Variants in CHRM5 observed in about 807,000 individuals in gnomAD.
CHRM5 encodes the protein cholinergic receptor muscarinic 5.
Under a neutral mutation model 39.0 loss-of-function variants are expected in CHRM5, and 18 were observed. The ratio of observed to expected loss-of-function variants is 0.46; its 90% CI spans 0.32 to 0.68. The LOEUF is 0.68. Ranked by LOEUF, CHRM5 falls within the 30% of genes least tolerant of loss-of-function variation. The pLI is 0.04. For missense variants in CHRM5, 515 were observed against 651.1 expected (o/e 0.79, Z 2.28); for synonymous variants, 241 against 246.3 (o/e 0.98, Z 0.20).
chr15:33,994,979 T>G (rs1896875616), intron 1 of CHRM5, among the ~76,000 whole-genome samples: 1 of 152,170 alleles, frequency 6.6e-6, no homozygotes, highest in African/African-American at 2.4e-5. Flanking sequence ...ATAATAATAC[T>G]GGCCAGGCAC....
At chr15:34,002,248 C>T (rs1024649440) in intron 1 of CHRM5, among the ~76,000 whole-genome samples, 3 of 152,186 alleles carry the variant, frequency 2.0e-5, no homozygotes, top group Non-Finnish European at 4.4e-5. Context: ...TATCTGCCAC[C>T]GCAGTCAAGA....
intron 1 of CHRM5, among the ~76,000 whole-genome samples, chr15:34,015,181 T>C (rs868197510): frequency 6.6e-5 from 10 of 152,260 alleles, no homozygotes; most frequent in Admixed American, 3.9e-4. Flanking sequence ...AGGAGCACTT[T>C]TTAAAAAATT....
intron 2 of CHRM5, among the ~76,000 whole-genome samples, chr15:34,053,325 T>A (rs868464786): frequency 0.012 from 1,457 of 122,206 alleles, 47 homozygotes; most frequent in African/African-American, 0.042. Context: ...AAAAAATATA[T>A]ATATATATAT....
chr15:33,978,619 C>T (rs561906), intron 1 of CHRM5, among the ~76,000 whole-genome samples: 123,581 of 152,012 alleles, frequency 0.81, 55,129 homozygotes, highest in Non-Finnish European at 0.98. Context: ...GCCAAGATTA[C>T]GCCACTGCAT....
At chr15:34,046,343 G>GAA (rs56286203) in intron 1 of CHRM5, among the ~76,000 whole-genome samples, 197 bp from the exon 2 acceptor site, 11,751 of 141,218 alleles carry the variant, frequency 0.083, 1,104 homozygotes, top group African/African-American at 0.23. Context: ...AGTGAGGCAG[G>GAA]AAAAAAAAAA....
chr15:33,983,656 C>A (rs1177316343), intron 1 of CHRM5, among the ~76,000 whole-genome samples: 1 of 152,104 alleles, frequency 6.6e-6, no homozygotes, highest in Non-Finnish European at 1.5e-5. Flanking sequence ...ATTCCTCCTT[C>A]CATGGATGAA....
intron 1 of CHRM5, among the ~76,000 whole-genome samples, chr15:34,028,667 A>C (rs1030412612): frequency 5.3e-5 from 8 of 152,222 alleles, no homozygotes; most frequent in African/African-American, 1.9e-4. Context: ...TGTTCATCTA[A>C]TGTCAGTCCT....
intron 1 of CHRM5, among the ~76,000 whole-genome samples, chr15:33,974,704 G>A (rs1440424147): frequency 3.3e-5 from 5 of 152,220 alleles, no homozygotes; most frequent in Non-Finnish European, 1.5e-5. Flanking sequence ...CGGGCACAGT[G>A]GCTCACGCCT....
At chr15:33,975,019 G>A (rs1053175838) in intron 1 of CHRM5, among the ~76,000 whole-genome samples, 1 of 152,092 alleles carries the variant, frequency 6.6e-6, no homozygotes, top group Non-Finnish European at 1.5e-5. Context: ...ATCCTATCAT[G>A]TTTTTAGCCA....
chr15:34,018,610 T>C (rs1898061616), intron 1 of CHRM5: 1 of 152,240 alleles, frequency 6.6e-6, no homozygotes, highest in Middle Eastern at 3.4e-3. Context: ...ACCCAAAGAG[T>C]GTGCAGCAGC....
intron 1 of CHRM5, among the ~76,000 whole-genome samples, chr15:34,008,901 C>A (rs892081128): frequency 6.7e-6 from 1 of 150,222 alleles, no homozygotes; most frequent in Non-Finnish European, 1.5e-5. Flanking sequence ...TTCTGCAGAC[C>A]CACTCCATTT....
intron 1 of CHRM5, among the ~76,000 whole-genome samples, chr15:33,985,785 C>T (rs796757606): frequency 6.6e-5 from 10 of 152,228 alleles, no homozygotes; most frequent in African/African-American, 2.4e-4. Flanking sequence ...TGGCCATGTA[C>T]GCAGTCACTT....
rs868867538 is a variant in CHRM5 at position 34,059,849 on chromosome 15, T to C, written c.-75-2794T>C. On this transcript the variant is annotated intron_variant, in intron 2 of 2. Transcript: ENST00000383263. ...GTGCCCCTATGGCATGTTGCACCCCTGCTATTTCTATCTGCTAATTTATTT... is the reference window on the plus strand; with the variant it reads ...GTGCCCCTATGGCATGTTGCACCCCCGCTATTTCTATCTGCTAATTTATTT... Among the ~76,000 whole-genome samples, 38 of 152,354 alleles carry C rather than the reference T, an allele frequency of 2.5e-4. 1 individual carries two copies. Among genetic ancestry groups the C allele is most frequent in the African/African-American group, 8.9e-4 (37 of 41,582 alleles).
intron 1 of CHRM5, among the ~76,000 whole-genome samples, chr15:33,982,873 A>T (rs180801847): frequency 2.0e-4 from 30 of 151,808 alleles, no homozygotes; most frequent in Admixed American, 2.0e-3. Flanking sequence ...AATTATCCCA[A>T]CTTCTGAGGG....
chr15:34,017,962 A>G (rs753486276), intron 1 of CHRM5, among the ~76,000 whole-genome samples: 31 of 152,230 alleles, frequency 2.0e-4, no homozygotes, highest in Non-Finnish European at 3.8e-4. Flanking sequence ...ATACTGATGT[A>G]AACAAACCTA....
intron 1 of CHRM5, among the ~76,000 whole-genome samples, chr15:34,004,059 G>T (rs529247908): frequency 6.6e-6 from 1 of 152,286 alleles, no homozygotes; most frequent in South Asian, 2.1e-4. Context: ...TCTACAACTT[G>T]CCTGTGTGAT....
intron 1 of CHRM5, among the ~76,000 whole-genome samples, chr15:33,999,371 T>G (rs548803832): frequency 2.0e-4 from 31 of 152,348 alleles, no homozygotes; most frequent in Admixed American, 1.8e-3. Flanking sequence ...TTCATTAGAC[T>G]CTACACATAC....
chr15:33,972,470 G>C (rs1895680254), intron 1 of CHRM5: 1 of 151,232 alleles, frequency 6.6e-6, no homozygotes, highest in South Asian at 2.1e-4. Flanking sequence ...GAGGGGGCTG[G>C]TTAACACCTT....
chr15:33,990,031 C>T (rs1467747616), intron 1 of CHRM5, among the ~76,000 whole-genome samples: 4 of 151,572 alleles, frequency 2.6e-5, no homozygotes, highest in East Asian at 1.9e-4. Flanking sequence ...GGTGAAACCC[C>T]GTCTCTACTA....
Sources: gnomAD v4.1 joint callset for allele counts (sites outside exome capture counted in the v4.1 genomes callset) on GRCh38, gnomAD v4.1.1 for gene constraint, MANE v1.5 for transcripts, NCBI Gene and HGNC (gene_info 2026-07-23, HGNC 2026-07-21) for gene names.